Variants in SLC9A2 observed in about 807,000 individuals in gnomAD.
SLC9A2 encodes the protein solute carrier family 9 member A2, also known as sodium/hydrogen exchanger 2.
In SLC9A2, 42 loss-of-function variants were observed where a neutral mutation model predicts 71.7. The observed-to-expected ratio is 0.59, with a 90% CI of 0.46 to 0.76. The LOEUF (loss-of-function observed/expected upper bound fraction) is 0.76. Ranked by LOEUF, SLC9A2 falls within the 30% of genes least tolerant of loss-of-function variation. SLC9A2 has a pLI of 0.00. For synonymous variants in SLC9A2, 396 were observed against 392.5 expected, an observed-to-expected ratio of 1.01 and a Z score of -0.10; for missense variants, 829 against 1,017.4, an observed-to-expected ratio of 0.81 and a Z score of 2.52.
intron 1 of SLC9A2, among the ~76,000 whole-genome samples, chr2:102,632,043 C>CACACACACATATATAT: frequency 1.1e-5 from 1 of 91,936 alleles, no homozygotes; most frequent in Non-Finnish European, 1.9e-5. Context: ...TATATACATA[C>CACACACACATATATAT]ACACACACAT....
chr2:102,689,304 T>C (rs558681655), intron 5 of SLC9A2, among the ~76,000 whole-genome samples: 5 of 152,184 alleles, frequency 3.3e-5, no homozygotes, highest in Non-Finnish European at 7.3e-5. Flanking sequence ...CTTACTTCAT[T>C]TCTCAAGAGT....
chr2:102,632,635 G>C (rs574410357), intron 1 of SLC9A2, among the ~76,000 whole-genome samples: 2 of 152,192 alleles, frequency 1.3e-5, no homozygotes, highest in African/African-American at 4.8e-5. Flanking sequence ...GGTGGGTAGG[G>C]CAGGGGAATT....
chr2:102,658,729 G>A (rs1676994101), intron 2 of SLC9A2, among the ~76,000 whole-genome samples: 1 of 151,994 alleles, frequency 6.6e-6, no homozygotes. Flanking sequence ...AAGGTTAGCA[G>A]AATTTACTTC....
At chr2:102,670,602 A>C (rs1677228707) in intron 3 of SLC9A2, among the ~76,000 whole-genome samples, 5 of 53,588 alleles carry the variant, frequency 9.3e-5, no homozygotes, top group Admixed American at 1.8e-4. Flanking sequence ...CCCCCACCAA[A>C]AAAAAAAAAA....
At chr2:102,685,982 T>C (rs11885854) in intron 5 of SLC9A2, among the ~76,000 whole-genome samples, 100,888 of 152,042 alleles carry the variant, frequency 0.66, 34,205 homozygotes, top group East Asian at 0.86. Flanking sequence ...CACCTTAAGA[T>C]ATCGTGGGAA....
chr2:102,646,768 A>AATATATATAT (rs201347551), intron 1 of SLC9A2, among the ~76,000 whole-genome samples: 14,464 of 132,530 alleles, frequency 0.11, 1,027 homozygotes, highest in Middle Eastern at 0.17. Context: ...AACGATCCTA[A>AATATATATAT]ATATATATAT....
At chr2:102,690,275 G>A (rs1360648838) in intron 5 of SLC9A2, among the ~76,000 whole-genome samples, 1 of 152,196 alleles carries the variant, frequency 6.6e-6, no homozygotes, top group Admixed American at 6.5e-5. Flanking sequence ...GTCAGAAAAA[G>A]TGTGAGTGGA....
chr2:102,646,878 C>T (rs1159569664), intron 1 of SLC9A2, among the ~76,000 whole-genome samples: 2 of 151,086 alleles, frequency 1.3e-5, no homozygotes, highest in East Asian at 3.9e-4. Context: ...TAGTGGGAAA[C>T]TTTAATACTG....
intron 3 of SLC9A2, among the ~76,000 whole-genome samples, chr2:102,683,055 T>C (rs1169345705): frequency 6.6e-6 from 1 of 152,170 alleles, no homozygotes. Flanking sequence ...GCCGGGTAGT[T>C]CAGCCAGGGT....
intron 1 of SLC9A2, among the ~76,000 whole-genome samples, chr2:102,654,854 C>G (rs1281855164): frequency 6.6e-6 from 1 of 152,182 alleles, no homozygotes; most frequent in Non-Finnish European, 1.5e-5. Flanking sequence ...GTACTGAATA[C>G]TGTAGGTATT....
At chr2:102,637,534 A>C (rs957349488) in intron 1 of SLC9A2, among the ~76,000 whole-genome samples, 1 of 152,180 alleles carries the variant, frequency 6.6e-6, no homozygotes, top group Non-Finnish European at 1.5e-5. Flanking sequence ...GCATGAGTCA[A>C]ATCCTGCGCC....
chr2:102,661,543 A>G (rs1221703836), intron 2 of SLC9A2, among the ~76,000 whole-genome samples: 1 of 152,206 alleles, frequency 6.6e-6, no homozygotes, highest in African/African-American at 2.4e-5. Flanking sequence ...AGACAGAGCC[A>G]TTCTGATAGA....
At chr2:102,666,445 C>T (rs560331982) in intron 3 of SLC9A2, among the ~76,000 whole-genome samples, 1 of 152,162 alleles carries the variant, frequency 6.6e-6, no homozygotes, top group Non-Finnish European at 1.5e-5. Context: ...GATCCACCCC[C>T]CTTGGCCTCC....
intron 7 of SLC9A2, among the ~76,000 whole-genome samples, chr2:102,700,811 A>G (rs1677858040): frequency 6.6e-6 from 1 of 152,202 alleles, no homozygotes; most frequent in Non-Finnish European, 1.5e-5. Flanking sequence ...ATATATACAT[A>G]TATGTGTATG....
intron 1 of SLC9A2, among the ~76,000 whole-genome samples, chr2:102,649,942 T>C (rs1163053210): frequency 6.6e-6 from 1 of 152,198 alleles, no homozygotes; most frequent in East Asian, 1.9e-4. Context: ...AGAATTACCA[T>C]TTGACCCAGC....
intron 1 of SLC9A2, among the ~76,000 whole-genome samples, chr2:102,624,519 A>G (rs1466391046): frequency 6.6e-6 from 1 of 152,118 alleles, no homozygotes; most frequent in Non-Finnish European, 1.5e-5. Flanking sequence ...AATTTGGGTG[A>G]ACTTGGACAT....
intron 1 of SLC9A2, among the ~76,000 whole-genome samples, chr2:102,650,066 C>T (rs1225638816): frequency 6.6e-6 from 1 of 152,218 alleles, no homozygotes; most frequent in African/African-American, 2.4e-5. Flanking sequence ...GACTTCCAAC[C>T]AACCAAAATG....
intron 3 of SLC9A2, among the ~76,000 whole-genome samples, chr2:102,675,704 T>C (rs1291164248): frequency 6.6e-6 from 1 of 152,156 alleles, no homozygotes; most frequent in African/African-American, 2.4e-5. Flanking sequence ...ATCCAAGTCA[T>C]AAAAATTGAG....
In SLC9A2 at chr2:102,657,599, C is replaced by T; in HGVS notation, c.325C>T (p.Pro109Ser). Reference sequence around the variant, plus strand: ...GTATCACAAGTTGCCCACAATAGTGCCTGAGAGCTGCCTTCTTATAATGGT... The same window carrying T: ...GTATCACAAGTTGCCCACAATAGTGTCTGAGAGCTGCCTTCTTATAATGGT... ...HLYHKLPTIV[P>S]ESCLLIMVGL... The change falls in exon 2 of 12, where the codon CCT (proline) becomes TCT (serine). Residue 109 changes from proline (P) to serine (S), a missense_variant. Physicochemically the swap from Pro to Ser is moderately conservative, Grantham distance 74 (BLOSUM62 -1). This residue lies in a region of SLC9A2 where 500 missense variants were observed against 726.3 expected (regional missense o/e 0.69). Transcript: ENST00000233969. 6.2e-7 allele frequency: 1 copy of T among 1,613,414 alleles called. No individual in the cohort carries two copies. Among genetic ancestry groups the T allele is most frequent in the Non-Finnish European group, 8.5e-7 (1 of 1,179,602 alleles).
Sources: gnomAD v4.1 joint callset for allele counts (sites outside exome capture counted in the v4.1 genomes callset) on GRCh38, gnomAD v4.1.1 for gene constraint, gnomAD v4.1.1 regional missense constraint, MANE v1.5 for transcripts, NCBI Gene and HGNC (gene_info 2026-07-23, HGNC 2026-07-21) for gene names.